KCNMA1: variants seen among roughly 807,000 people sequenced by gnomAD.
KCNMA1 encodes Calcium-activated potassium channel subunit alpha-1.
KCNMA1 carries 29 observed loss-of-function variants against 140.0 expected under a neutral mutation model. That is an observed-to-expected ratio of 0.21 (90% CI 0.15 to 0.28). The LOEUF (loss-of-function observed/expected upper bound fraction) is 0.28, where lower values mean the gene tolerates loss of function less well. Among genes scored for constraint, KCNMA1 ranks in the 10% least tolerant of loss-of-function variants. KCNMA1 has a pLI of 1.00. For missense variants in KCNMA1, 880 were observed against 1,602.2 expected (o/e 0.55, Z 7.70); for synonymous variants, 612 against 611.9 (o/e 1.00, Z 0.00).
chr10:77,302,288 T>A (rs1287657182), intron 2 of KCNMA1, among the ~76,000 whole-genome samples: 12 of 152,094 alleles, frequency 7.9e-5, no homozygotes, highest in Admixed American at 6.6e-5. Context: ...TGGTTGAGAA[T>A]CCTCTCTTTT....
At chr10:77,180,988 A>G (rs1323998747) in intron 5 of KCNMA1, among the ~76,000 whole-genome samples, 1 of 152,114 alleles carries the variant, frequency 6.6e-6, no homozygotes, top group Non-Finnish European at 1.5e-5. Context: ...TGGCCCTAAA[A>G]TGCTTCAGGG....
intron 1 of KCNMA1, among the ~76,000 whole-genome samples, chr10:77,626,030 T>A (rs1301650118): frequency 6.6e-6 from 1 of 152,192 alleles, no homozygotes; most frequent in Admixed American, 6.5e-5. Context: ...TCTATTTTTT[T>A]TTTTTTACAG....
chr10:77,560,038 C>T (rs1019154141), intron 1 of KCNMA1, among the ~76,000 whole-genome samples: 2 of 151,562 alleles, frequency 1.3e-5, no homozygotes, highest in South Asian at 4.2e-4. Flanking sequence ...AAAAAATCAG[C>T]CAGGCGTGGT....
At chr10:77,461,097 ACT>A (rs2097858322) in intron 1 of KCNMA1, among the ~76,000 whole-genome samples, 1 of 151,360 alleles carries the variant, frequency 6.6e-6, no homozygotes, top group East Asian at 1.9e-4. Context: ...CAAGAGTGAA[ACT>A]CTGTCTCAAG....
intron 2 of KCNMA1, among the ~76,000 whole-genome samples, chr10:77,275,888 C>A (rs1470188237): frequency 6.6e-6 from 1 of 151,726 alleles, no homozygotes; most frequent in Non-Finnish European, 1.5e-5. Flanking sequence ...CGCTGCTTTC[C>A]ATCCACGGAT....
rs41274568 is a variant in KCNMA1, at chr10:76,949,325, G to A, written c.2526C>T (p.Val842=). 0.012 allele frequency: 18,851 copies of A among 1,614,062 alleles called. 166 individuals carry two copies. The highest frequency in any genetic ancestry group is 0.013 in the Non-Finnish European group (15,573 of 1,179,998). The change falls in exon 22 of 28, where the codon GTC becomes GTT. Residue 842 remains valine (V), a synonymous_variant. Coordinates refer to ENST00000286628, the MANE Select transcript of KCNMA1 (RefSeq NM_001161352.2). ...TGACGTCGCCAAAGATGCAGACCAC[G>A]ACATGGCCACTCAGGACGGTCATGG... ...EAAMTVLSGH[V]VVCIFGDVSS...
At chr10:77,222,396 A>G (rs1359143607) in intron 3 of KCNMA1, among the ~76,000 whole-genome samples, 1 of 152,180 alleles carries the variant, frequency 6.6e-6, no homozygotes, top group East Asian at 1.9e-4. Flanking sequence ...ACTACTCCCA[A>G]CATAATGTGA....
intron 1 of KCNMA1, among the ~76,000 whole-genome samples, chr10:77,459,453 A>G (rs917156910): frequency 2.6e-5 from 4 of 152,184 alleles, no homozygotes; most frequent in African/African-American, 4.8e-5. Context: ...ACTGACTAAT[A>G]AGCTAAAATC....
chr10:77,171,347 C>T, intron 5 of KCNMA1, among the ~76,000 whole-genome samples: 1 of 151,680 alleles, frequency 6.6e-6, no homozygotes, highest in Non-Finnish European at 1.5e-5. Context: ...TACCACGACC[C>T]AAAGAGCCTC....
At chr10:77,583,412 A>T (rs1399178962) in intron 1 of KCNMA1, among the ~76,000 whole-genome samples, 1 of 152,252 alleles carries the variant, frequency 6.6e-6, no homozygotes, top group Non-Finnish European at 1.5e-5. Flanking sequence ...ACATAGGGAC[A>T]CAAGTCCAGA....
At chr10:77,058,279 C>T (rs552274605) in intron 14 of KCNMA1, among the ~76,000 whole-genome samples, 7 of 152,040 alleles carry the variant, frequency 4.6e-5, no homozygotes, top group South Asian at 2.1e-4. Flanking sequence ...CAAAACCTGA[C>T]GGAACTAAAG....
intron 1 of KCNMA1, among the ~76,000 whole-genome samples, chr10:77,627,580 G>A (rs770592194): frequency 5.3e-5 from 8 of 152,172 alleles, no homozygotes; most frequent in Non-Finnish European, 1.0e-4. Context: ...CCTTCATGGA[G>A]GAAACACAAG....
In KCNMA1 at chr10:77,637,331, G is replaced by A. The variant is rs775752274; in HGVS notation, c.312C>T (p.Ile104=). 9.3e-6 allele frequency: 15 copies of A among 1,613,934 alleles called. No individual in the cohort carries two copies. In the South Asian group the frequency reaches 1.5e-4, roughly 17 times the overall value. Residue 104 remains isoleucine, a synonymous_variant, in exon 1 of 28, where the codon ATC becomes ATT. Coordinates refer to ENST00000286628, the MANE Select transcript of KCNMA1 (RefSeq NM_001161352.2). ...ACTTGAGCGTCCGCCAGAGCAAGATGATGAAGAGGCCCCCGAAGAAAGTCA... is the reference window on the plus strand; with the variant it reads ...ACTTGAGCGTCCGCCAGAGCAAGATAATGAAGAGGCCCCCGAAGAAAGTCA... ...SMVTFFGGLF[I]ILLWRTLKYL...
intron 14 of KCNMA1, among the ~76,000 whole-genome samples, chr10:77,057,618 A>C (rs962995497): frequency 2.0e-5 from 3 of 152,102 alleles, no homozygotes; most frequent in Non-Finnish European, 2.9e-5. Flanking sequence ...AGGGTAAAGA[A>C]ACCTATAGTT....
intron 1 of KCNMA1, among the ~76,000 whole-genome samples, chr10:77,445,433 G>T (rs1176989963): frequency 6.6e-6 from 1 of 150,580 alleles, no homozygotes; most frequent in Non-Finnish European, 1.5e-5. Context: ...TTATTCAAAA[G>T]AAACTATGGT....
chr10:77,440,976 G>A lies in KCNMA1; in HGVS notation c.379-36953C>T, dbSNP rs7910300. 1.0e-3 allele frequency among the ~76,000 whole-genome samples: 152 copies of A among 150,368 alleles called. 1 individual carries two copies. The highest frequency in any genetic ancestry group is 3.6e-3 in the African/African-American group (142 of 39,940). On this transcript the variant is annotated intron_variant, in intron 1 of 27. Coordinates refer to ENST00000286628, the MANE Select transcript of KCNMA1 (RefSeq NM_001161352.2). ...TGGGACTGCAGGCGCCAGCCACCAT[G>A]CCTGGCTAATTTTTTCTGTTTTTTT...
intron 3 of KCNMA1, among the ~76,000 whole-genome samples, chr10:77,188,966 G>A (rs1367662930): frequency 2.0e-5 from 3 of 152,082 alleles, no homozygotes; most frequent in African/African-American, 4.8e-5. Context: ...GTTTCCTGCA[G>A]TCTGTTTTCC....
At chr10:77,455,502 C>G (rs997606586) in intron 1 of KCNMA1, among the ~76,000 whole-genome samples, 15 of 152,118 alleles carry the variant, frequency 9.9e-5, no homozygotes, top group African/African-American at 3.6e-4. Flanking sequence ...TTTCCTTCTC[C>G]GAGTCCACTC....
chr10:76,972,534 G>C (rs2076366701), intron 19 of KCNMA1, among the ~76,000 whole-genome samples: 1 of 152,190 alleles, frequency 6.6e-6, no homozygotes. Flanking sequence ...TGGGAGAGTT[G>C]CAAGTTAATA....
Sources: allele counts gnomAD v4.1 joint callset (sites outside exome capture counted in the v4.1 genomes callset), GRCh38; gene constraint gnomAD v4.1.1; transcripts MANE v1.5; gene names NCBI Gene and HGNC (gene_info 2026-07-23, HGNC 2026-07-21).